Variants in WDR72 observed in about 807,000 individuals in gnomAD.
WDR72 encodes WD repeat-containing protein 72.
Under a neutral mutation model 124.2 loss-of-function variants are expected in WDR72, and 120 were observed. The observed-to-expected ratio is 0.97, with a 90% CI of 0.83 to 1.12. WDR72 has a LOEUF of 1.12. Among genes scored for constraint, WDR72 ranks in the 50% most tolerant of loss-of-function variants. The probability of loss-of-function intolerance (pLI) is 0.00; values close to 1 mark genes in which losing one functional copy is unlikely to be tolerated. For synonymous variants in WDR72, 452 were observed against 441.7 expected, an observed-to-expected ratio of 1.02 and a Z score of -0.29; for missense variants, 1,387 against 1,278.8, an observed-to-expected ratio of 1.08 and a Z score of -1.29.
At chr15:53,606,656 G>T (rs1414141301) in intron 17 of WDR72, among the ~76,000 whole-genome samples, 1 of 152,206 alleles carries the variant, frequency 6.6e-6, no homozygotes, top group African/African-American at 2.4e-5. Context: ...AGCAATATTA[G>T]TTGGAGTTAT....
At chr15:53,709,721 C>T (rs549448671) in intron 9 of WDR72, among the ~76,000 whole-genome samples, 7 of 152,258 alleles carry the variant, frequency 4.6e-5, no homozygotes, top group East Asian at 1.9e-4. Flanking sequence ...TGATGCATGC[C>T]GTAATTATAA....
chr15:53,523,188 T>G (rs763818257), intron 19 of WDR72, 30 bp downstream of exon 19: 1 of 1,603,826 alleles, frequency 6.2e-7, no homozygotes, highest in South Asian at 1.1e-5. Flanking sequence ...TTTATCATTT[T>G]ATACTTGACT....
intron 14 of WDR72, among the ~76,000 whole-genome samples, chr15:53,633,346 A>G (rs1189566213): frequency 2.0e-5 from 3 of 152,248 alleles, no homozygotes; most frequent in African/African-American, 2.4e-5. Context: ...TTCTGCCATG[A>G]TTAAGTTTTC....
chr15:53,529,616 C>T (rs1321111631), intron 18 of WDR72, among the ~76,000 whole-genome samples: 3 of 151,894 alleles, frequency 2.0e-5, no homozygotes, highest in Non-Finnish European at 2.9e-5. Flanking sequence ...AGTTTCTCAG[C>T]GATAAGGAGG....
chr15:53,520,205 A>G (rs1199942569), intron 19 of WDR72, among the ~76,000 whole-genome samples: 7 of 152,132 alleles, frequency 4.6e-5, no homozygotes, highest in Non-Finnish European at 1.0e-4. Context: ...CAATATACAA[A>G]GCAATATACT....
intron 13 of WDR72, among the ~76,000 whole-genome samples, chr15:53,685,028 C>T (rs538443091): frequency 6.6e-6 from 1 of 152,282 alleles, no homozygotes; most frequent in South Asian, 2.1e-4. Flanking sequence ...AACTAATAAA[C>T]GGAAAGGACA....
intron 18 of WDR72, among the ~76,000 whole-genome samples, chr15:53,560,709 A>C (rs1296353932): frequency 6.6e-6 from 1 of 151,900 alleles, no homozygotes; most frequent in Non-Finnish European, 1.5e-5. Context: ...CAATGACTGG[A>C]ATTTATTTTG....
Position 53,513,811 on chromosome 15 carries a change from T to C in WDR72, c.*3888A>G, listed in dbSNP as rs1192193019. The C allele has an allele frequency of 6.6e-6, 1 of 152,226 alleles. No homozygotes were observed. The highest frequency in any genetic ancestry group is 2.4e-5 in the African/African-American group (1 of 41,546). The allele number at this position is 152,226 out of a possible 1,614,324, so 9.4% of individuals were successfully genotyped here. A position where few individuals can be genotyped will look rare whatever the true frequency, so the allele number is the denominator to read the frequency against. On this transcript the variant is annotated 3_prime_UTR_variant, in exon 20 of 20. Coordinates refer to ENST00000360509, the MANE Select transcript of WDR72 (RefSeq NM_182758.4). ...CTGCAAAAACTCCACAACATCAACA[T>C]TTTACATAAAGATGGTATCTGAGAA...
intron 14 of WDR72, among the ~76,000 whole-genome samples, chr15:53,665,352 T>G (rs1381071577): frequency 2.0e-5 from 3 of 152,182 alleles, no homozygotes; most frequent in Admixed American, 1.3e-4. Flanking sequence ...TTGACTCAAT[T>G]TTGATAAGCC....
chr15:53,559,606 T>C (rs1021024886), intron 18 of WDR72, among the ~76,000 whole-genome samples: 3 of 152,000 alleles, frequency 2.0e-5, no homozygotes, highest in African/African-American at 4.8e-5. Flanking sequence ...CAAGAAGGTT[T>C]TGTGATCCTG....
At chr15:53,569,331 T>C (rs1260204140) in intron 18 of WDR72, among the ~76,000 whole-genome samples, 10 of 152,044 alleles carry the variant, frequency 6.6e-5, no homozygotes, top group Non-Finnish European at 1.5e-4. Flanking sequence ...ATGACAAGGA[T>C]TGCATAACTA....
Position 53,720,190 on chromosome 15 carries a change from A to G in WDR72, c.260+2612T>C, listed in dbSNP as rs546999069. ...CTTTTATTTTTTATTTCTTTTGTCTATTGTTTCTGTAGCTACTAAACAATA... is the reference window on the plus strand; with the variant it reads ...CTTTTATTTTTTATTTCTTTTGTCTGTTGTTTCTGTAGCTACTAAACAATA... On this transcript the variant is annotated intron_variant, in intron 3 of 19. Transcript: ENST00000360509. 1.5e-4 allele frequency among the ~76,000 whole-genome samples: 23 copies of G among 152,076 alleles called. No homozygotes were observed. The South Asian group carries it at 4.6e-3, about 30-fold the overall frequency.
chr15:53,566,606 G>C (rs1894304362), intron 18 of WDR72, among the ~76,000 whole-genome samples: 1 of 151,836 alleles, frequency 6.6e-6, no homozygotes, highest in Admixed American at 6.6e-5. Context: ...GAAGTCACCA[G>C]CATGGATAGG....
chr15:53,660,035 TC>T (rs2015557380), intron 14 of WDR72, among the ~76,000 whole-genome samples: 1 of 151,992 alleles, frequency 6.6e-6, no homozygotes, highest in South Asian at 2.1e-4. Context: ...CTATTTATTT[TC>T]TTTTAAAATT....
chr15:53,619,483 T>C (rs2013902152), intron 14 of WDR72, among the ~76,000 whole-genome samples: 1 of 152,008 alleles, frequency 6.6e-6, no homozygotes, highest in East Asian at 1.9e-4. Flanking sequence ...TTATGGTTAT[T>C]AATACTTAAG....
chr15:53,759,145 C>G (rs1250655957), intron 1 of WDR72, among the ~76,000 whole-genome samples: 1 of 152,104 alleles, frequency 6.6e-6, no homozygotes, highest in Non-Finnish European at 1.5e-5. Flanking sequence ...GGTCGTTTTC[C>G]CTGCCCTTGA....
chr15:53,515,022 T>TAC lies in WDR72; in HGVS notation c.*2676_*2677insGT, dbSNP rs886051283. ...GGGGGATATGCCATATATATATATA[T>TAC]ATACACACATATATATGTGTATATA... On this transcript the variant is annotated 3_prime_UTR_variant, in exon 20 of 20. Transcript: ENST00000360509. The TAC allele has an allele frequency of 3.3e-4, 48 of 147,112 alleles. No homozygotes were observed. The highest frequency in any genetic ancestry group is 1.2e-3 in the African/African-American group (47 of 38,830). The allele number at this position is 147,112 out of a possible 1,614,324, so 9.1% of individuals were successfully genotyped here.
At chr15:53,520,605 A>G (rs1243808670) in intron 19 of WDR72, among the ~76,000 whole-genome samples, 2 of 152,058 alleles carry the variant, frequency 1.3e-5, no homozygotes, top group African/African-American at 4.8e-5. Flanking sequence ...TAAAAACCCC[A>G]AATTTGTTTC....
intron 14 of WDR72, among the ~76,000 whole-genome samples, chr15:53,660,974 C>A (rs1480270129): frequency 6.6e-6 from 1 of 152,154 alleles, no homozygotes; most frequent in African/African-American, 2.4e-5. Context: ...GTCCAGTAGA[C>A]TGTCTAGATC....
Sources: allele counts gnomAD v4.1 joint callset (sites outside exome capture counted in the v4.1 genomes callset), GRCh38; gene constraint gnomAD v4.1.1; transcripts MANE v1.5; gene names NCBI Gene and HGNC (gene_info 2026-07-23, HGNC 2026-07-21).